Variants in GPC6 observed in about 807,000 individuals in gnomAD.
GPC6 encodes glypican-6.
GPC6 carries 14 observed loss-of-function variants against 55.2 expected under a neutral mutation model. The observed-to-expected ratio is 0.25, with a 90% CI of 0.17 to 0.40. The LOEUF (loss-of-function observed/expected upper bound fraction) is 0.40, where lower values mean the gene tolerates loss of function less well. GPC6 is among the 10% of genes least tolerant of loss of function. GPC6 has a pLI of 1.00. For synonymous variants in GPC6, 278 were observed against 259.6 expected (o/e 1.07, Z -0.68); for missense variants, 641 against 708.5 (o/e 0.90, Z 1.08).
chr13:93,400,162 G>A (rs1305782170), intron 1 of GPC6, among the ~76,000 whole-genome samples: 1 of 151,928 alleles, frequency 6.6e-6, no homozygotes, highest in Non-Finnish European at 1.5e-5. Flanking sequence ...TTAGAGATTT[G>A]GTTTTCTAAG....
intron 2 of GPC6, among the ~76,000 whole-genome samples, chr13:93,559,952 C>T (rs1029671087): frequency 6.6e-6 from 1 of 152,104 alleles, no homozygotes; most frequent in African/African-American, 2.4e-5. Context: ...ATTAAGATTC[C>T]TTAGAATAAA....
At chr13:93,958,127 T>G (rs1879593565) in intron 3 of GPC6, among the ~76,000 whole-genome samples, 1 of 152,224 alleles carries the variant, frequency 6.6e-6, no homozygotes, top group Admixed American at 6.5e-5. Context: ...CTTTGTCTGA[T>G]GCATGCTTTG....
At chr13:93,520,449 C>T (rs1485741023) in intron 1 of GPC6, among the ~76,000 whole-genome samples, 1 of 151,754 alleles carries the variant, frequency 6.6e-6, no homozygotes, top group Non-Finnish European at 1.5e-5. Flanking sequence ...AATCAAAGGA[C>T]CAGTTGCAAA....
At chr13:94,083,301 A>T (rs532496773) in intron 4 of GPC6, among the ~76,000 whole-genome samples, 1 of 151,818 alleles carries the variant, frequency 6.6e-6, no homozygotes, top group East Asian at 1.9e-4. Context: ...TGTATTTTAA[A>T]TAGAGATGGG....
At chr13:93,490,514 G>GTTTTTTTTTTTTTTTTTTTTTTAT (rs796098096) in intron 1 of GPC6, among the ~76,000 whole-genome samples, 1 of 35,318 alleles carries the variant, frequency 2.8e-5, no homozygotes, top group Non-Finnish European at 4.9e-5. Flanking sequence ...TTTTTTTTGA[G>GTTTTTTTTTTTTTTTTTTTTTTAT]TTTTTTTTTT....
chr13:94,305,977 C>T lies in GPC6; in HGVS notation c.1009-3C>T, dbSNP rs1279423407. ...TGTTTTTACTTTTCAATGGTTCTTC[C>T]AGGTCTTTCAGGGATGTGGTCAGCC... On this transcript the variant is annotated splice_polypyrimidine_tract_variant and splice_region_variant and intron_variant, in intron 5 of 8. Coordinates refer to ENST00000377047, the MANE Select transcript of GPC6 (RefSeq NM_005708.5). 3.1e-6 allele frequency: 5 copies of T among 1,613,836 alleles called. No homozygotes were observed. The highest frequency in any genetic ancestry group is 3.4e-6 in the Non-Finnish European group (4 of 1,179,864).
chr13:94,269,663 A>T (rs559855554), intron 4 of GPC6, among the ~76,000 whole-genome samples: 2 of 152,064 alleles, frequency 1.3e-5, no homozygotes, highest in South Asian at 4.1e-4. Flanking sequence ...TCTGACACTG[A>T]ACACCTGTGT....
chr13:94,356,839 C>A (rs1486255541), intron 6 of GPC6, among the ~76,000 whole-genome samples: 2 of 152,190 alleles, frequency 1.3e-5, no homozygotes, highest in Admixed American at 1.3e-4. Flanking sequence ...GAGTTCAAAG[C>A]TGCAGTGAGC....
chr13:93,313,660 A>AT (rs898015325), intron 1 of GPC6, among the ~76,000 whole-genome samples: 26 of 150,556 alleles, frequency 1.7e-4, no homozygotes, highest in South Asian at 4.2e-4. Flanking sequence ...CATGTAATAG[A>AT]TTTTTTTTTT....
chr13:94,081,844 C>CTTTTTTTTTTTTTTTTT lies in GPC6; in HGVS notation c.877+53964_877+53965insTTTTTTTTTTTTTTTTT, dbSNP rs201141414. ...CATGTCTATGCCTTCTACTACTTTC[C>CTTTTTTTTTTTTTTTTT]TTTTTTTTTTTTTTGAGACACAGTC... On this transcript the variant is annotated intron_variant, in intron 4 of 8. Transcript: ENST00000377047. Among the ~76,000 whole-genome samples, 95 of 132,964 alleles carry CTTTTTTTTTTTTTTTTT rather than the reference C, an allele frequency of 7.1e-4. 2 individuals carry two copies. Among genetic ancestry groups the CTTTTTTTTTTTTTTTTT allele is most frequent in the African/African-American group, 2.5e-3 (90 of 35,516 alleles). 87.2% of individuals were successfully genotyped at this position (132,964 alleles called of 152,430 possible).
chr13:93,491,762 A>T (rs1332104410), intron 1 of GPC6, among the ~76,000 whole-genome samples: 5 of 127,756 alleles, frequency 3.9e-5, no homozygotes, highest in Non-Finnish European at 6.7e-5. Flanking sequence ...TCCCAGCACC[A>T]TTTATTAAAT....
At chr13:93,556,690 A>G (rs116160404) in intron 2 of GPC6, among the ~76,000 whole-genome samples, 1,692 of 151,416 alleles carry the variant, frequency 0.011, 26 homozygotes, top group African/African-American at 0.039. Flanking sequence ...CCTCTCCACC[A>G]CTCACTCGCT....
intron 1 of GPC6, among the ~76,000 whole-genome samples, chr13:93,333,013 A>G (rs937316143): frequency 6.6e-6 from 1 of 152,108 alleles, no homozygotes; most frequent in Non-Finnish European, 1.5e-5. Flanking sequence ...TTGGCTGTAA[A>G]TGTGTGGATT....
chr13:93,288,605 A>G (rs1007089699), intron 1 of GPC6, among the ~76,000 whole-genome samples: 2 of 152,222 alleles, frequency 1.3e-5, no homozygotes, highest in Non-Finnish European at 2.9e-5. Context: ...TTAAAAAGGC[A>G]CTTCATAAAA....
chr13:94,145,617 A>G (rs967256205), intron 4 of GPC6, among the ~76,000 whole-genome samples: 20 of 152,204 alleles, frequency 1.3e-4, no homozygotes, highest in Non-Finnish European at 2.8e-4. Context: ...AGTTATGTCC[A>G]GATGATTCTA....
In GPC6 at chr13:93,726,103, T is replaced by TACACACACACACACACACAC. The variant is rs71811304; in HGVS notation, c.320-104021_320-104002dup. On this transcript the variant is annotated intron_variant, in intron 2 of 8. Transcript: ENST00000377047. ...TGCAAAATAAAGACTTTTTCCTTCA[T>TACACACACACACACACACAC]ACACACACACACACACACACACACA... Among the ~76,000 whole-genome samples the TACACACACACACACACACAC allele has an allele frequency of 2.4e-4, 31 of 126,856 alleles. 1 individual carries two copies. The highest frequency in any genetic ancestry group is 3.4e-4 in the Non-Finnish European group (20 of 59,644). 83.2% of individuals were successfully genotyped at this position (126,856 alleles called of 152,430 possible).
At chr13:93,414,680 A>G (rs1876631825) in intron 1 of GPC6, among the ~76,000 whole-genome samples, 1 of 152,176 alleles carries the variant, frequency 6.6e-6, no homozygotes. Context: ...GACCACGGAC[A>G]GCAGTTTGGA....
chr13:93,346,982 A>T, intron 1 of GPC6, among the ~76,000 whole-genome samples: 1 of 152,204 alleles, frequency 6.6e-6, no homozygotes, highest in Non-Finnish European at 1.5e-5. Flanking sequence ...CATAAATGAT[A>T]AATCAAAACT....
intron 2 of GPC6, among the ~76,000 whole-genome samples, chr13:93,778,630 C>G (rs376397376): frequency 6.6e-6 from 1 of 152,162 alleles, no homozygotes; most frequent in African/African-American, 2.4e-5. Context: ...ACCATTCTTG[C>G]ACCTGTTGTT....
Sources: allele counts gnomAD v4.1 joint callset (sites outside exome capture counted in the v4.1 genomes callset), GRCh38; gene constraint gnomAD v4.1.1; transcripts MANE v1.5; gene names NCBI Gene and HGNC (gene_info 2026-07-23, HGNC 2026-07-21).